The following WSCD2 variants were observed in gnomAD, a reference collection of about 807,000 sequenced individuals.
WSCD2 encodes the protein sialate:O-sulfotransferase 2.
Under a neutral mutation model 55.7 loss-of-function variants are expected in WSCD2, and 28 were observed. That is an observed-to-expected ratio of 0.50 (90% CI 0.37 to 0.69). The LOEUF (loss-of-function observed/expected upper bound fraction) is 0.69. Among genes scored for constraint, WSCD2 ranks in the 30% least tolerant of loss-of-function variants. The pLI is 0.00. For missense variants in WSCD2, 616 were observed against 762.1 expected (o/e 0.81, Z 2.26); for synonymous variants, 301 against 301.9 (o/e 1.00, Z 0.03).
intron 2 of WSCD2, chr12:108,197,230 A>T (rs1169150044): frequency 6.6e-6 from 1 of 152,240 alleles, no homozygotes; most frequent in Non-Finnish European, 1.5e-5. Context: ...AACTCATAAA[A>T]AACCCTTCTG....
intron 8 of WSCD2, among the ~76,000 whole-genome samples, chr12:108,246,863 A>G (rs956796268): frequency 1.3e-5 from 2 of 152,220 alleles, no homozygotes; most frequent in African/African-American, 4.8e-5. Flanking sequence ...GCTGCAGGGG[A>G]CGGAGAGAGG....
chr12:108,138,427 G>A (rs541504378), intron 1 of WSCD2, among the ~76,000 whole-genome samples: 187 of 152,190 alleles, frequency 1.2e-3, no homozygotes, highest in Non-Finnish European at 2.3e-3. Flanking sequence ...ATCCCAGCTC[G>A]GTAGCTTATA....
chr12:108,196,985 G>A (rs749877592), intron 2 of WSCD2: 12 of 152,252 alleles, frequency 7.9e-5, no homozygotes, highest in South Asian at 2.1e-4. Context: ...CAGCAGGAAC[G>A]GAGTTTAAAT....
intron 6 of WSCD2, 69 bp downstream of exon 6, chr12:108,227,233 GCCAGTCCATCCCA>G: frequency 6.5e-7 from 1 of 1,542,320 alleles, no homozygotes; most frequent in East Asian, 2.3e-5. Context: ...ACGTGTTCCT[GCCAGTCCATCCCA>G]CACAGCCTGC....
chr12:108,218,958 C>T (rs940181969), intron 4 of WSCD2, among the ~76,000 whole-genome samples: 1 of 152,178 alleles, frequency 6.6e-6, no homozygotes, highest in Non-Finnish European at 1.5e-5. Flanking sequence ...TTTCCCCTTG[C>T]ACTGGGGAAA....
At chr12:108,135,090 A>G (rs1416000608) in intron 1 of WSCD2, among the ~76,000 whole-genome samples, 1 of 152,202 alleles carries the variant, frequency 6.6e-6, no homozygotes, top group Admixed American at 6.5e-5. Context: ...GGAATTGTCT[A>G]TTTGAATGTG....
At chr12:108,176,082 G>T (rs530974352) in intron 1 of WSCD2, among the ~76,000 whole-genome samples, 12 of 151,896 alleles carry the variant, frequency 7.9e-5, no homozygotes, top group Non-Finnish European at 1.5e-4. Flanking sequence ...CTCATGATCC[G>T]CCCACCTCAG....
intron 2 of WSCD2, among the ~76,000 whole-genome samples, chr12:108,201,698 G>C (rs1490508794): frequency 6.6e-6 from 1 of 152,162 alleles, no homozygotes; most frequent in East Asian, 1.9e-4. Context: ...TACAGCATGA[G>C]GCCTCCTATT....
chr12:108,147,790 G>A (rs73199512), intron 1 of WSCD2, among the ~76,000 whole-genome samples: 1,815 of 151,866 alleles, frequency 0.012, 13 homozygotes, highest in Non-Finnish European at 0.017. Context: ...GAGATGGGTC[G>A]AGGCTAAAGT....
At chr12:108,177,360 C>T (rs891084190) in intron 1 of WSCD2, among the ~76,000 whole-genome samples, 2 of 152,000 alleles carry the variant, frequency 1.3e-5, no homozygotes, top group East Asian at 1.9e-4. Flanking sequence ...TAGAAGTCGC[C>T]GTGATTATAG....
At chr12:108,226,272 T>A (rs1172543831) in intron 5 of WSCD2, among the ~76,000 whole-genome samples, 3 of 152,096 alleles carry the variant, frequency 2.0e-5, no homozygotes, top group African/African-American at 7.2e-5. Context: ...GCCCGCCAGA[T>A]CTCAGGTCCA....
rs1236453133 is a variant in WSCD2 at position 108,224,632 on chromosome 12, C to T, written c.683-107C>T. 5 of 1,462,048 alleles carry T rather than the reference C, an allele frequency of 3.4e-6. No homozygotes were observed. The East Asian group carries it at 1.1e-4, about 34-fold the overall frequency. 90.6% of individuals were successfully genotyped at this position (1,462,048 alleles called of 1,614,324 possible). On this transcript the variant is annotated intron_variant, in intron 4 of 8. Transcript: ENST00000547525. ...TCTCTGCTTTGGCTTGCTCTGTGAC[C>T]TTGGGCAAGACTCTTGCCTTCTCTG...
Position 108,222,717 on chromosome 12 carries a change from C to T in WSCD2, c.683-2022C>T, listed in dbSNP as rs140133468. Among the ~76,000 whole-genome samples, 39 of 152,260 alleles carry T rather than the reference C, an allele frequency of 2.6e-4. No individual in the cohort carries two copies. The East Asian group carries it at 6.9e-3, about 27-fold the overall frequency. On this transcript the variant is annotated intron_variant, in intron 4 of 8. Coordinates refer to ENST00000547525, the MANE Select transcript of WSCD2 (RefSeq NM_014653.4). ...CTATGTTGGCCAGGTTGGTCTTCAA[C>T]GCCTGGCCTCAAGCAATCCTCCTGC...
chr12:108,130,834 A>T (rs11113751), intron 1 of WSCD2, among the ~76,000 whole-genome samples: 3 of 151,938 alleles, frequency 2.0e-5, no homozygotes, highest in Non-Finnish European at 4.4e-5. Context: ...TCTCATCCCC[A>T]CACTCTAGGC....
chr12:108,178,182 T>C (rs1487887929), intron 1 of WSCD2, among the ~76,000 whole-genome samples: 1 of 152,140 alleles, frequency 6.6e-6, no homozygotes, highest in Non-Finnish European at 1.5e-5. Flanking sequence ...GGGAAGAATT[T>C]GCTTCCTACC....
intron 1 of WSCD2, among the ~76,000 whole-genome samples, chr12:108,175,150 A>T (rs1227348906): frequency 6.6e-6 from 1 of 152,194 alleles, no homozygotes; most frequent in African/African-American, 2.4e-5. Context: ...GTCTAGAGAC[A>T]GGTTTGCTTG....
At position 108,240,622 on chromosome 12, in the gene WSCD2, G is replaced by C. The variant is rs1387127387; in HGVS notation, c.1345+78G>C. 2.1e-6 allele frequency: 3 copies of C among 1,452,824 alleles called. No homozygotes were observed. In the African/African-American group the frequency reaches 4.2e-5, roughly 20 times the overall value. The allele number at this position is 1,452,824 out of a possible 1,614,324, so 90.0% of individuals were successfully genotyped here. Reference sequence around the variant, plus strand: ...GGCGGTGGGAGGGTCCCGTGCTCCGGACCAGCGTGACCAGCAGGAGGCAAT... The same window carrying C: ...GGCGGTGGGAGGGTCCCGTGCTCCGCACCAGCGTGACCAGCAGGAGGCAAT... On this transcript the variant is annotated intron_variant, in intron 8 of 8. Transcript: ENST00000547525.
intron 1 of WSCD2, among the ~76,000 whole-genome samples, chr12:108,170,576 C>T (rs955197234): frequency 6.6e-6 from 1 of 152,168 alleles, no homozygotes; most frequent in African/African-American, 2.4e-5. Context: ...AATCCACCAC[C>T]GGCTAGTTGT....
chr12:108,173,818 G>C (rs1364711990), intron 1 of WSCD2, among the ~76,000 whole-genome samples: 46 of 147,434 alleles, frequency 3.1e-4, no homozygotes, highest in Middle Eastern at 7.1e-3. Flanking sequence ...CTCTGTGTGT[G>C]TGTGTGTGTG....
Sources: allele counts gnomAD v4.1 joint callset (sites outside exome capture counted in the v4.1 genomes callset), GRCh38; gene constraint gnomAD v4.1.1; transcripts MANE v1.5; gene names NCBI Gene and HGNC (gene_info 2026-07-23, HGNC 2026-07-21).